NF1: variants seen among roughly 807,000 people sequenced by gnomAD.
NF1 encodes neurofibromin 1.
Under a neutral mutation model 325.7 loss-of-function variants are expected in NF1, and 122 were observed. The ratio of observed to expected loss-of-function variants is 0.37; its 90% CI spans 0.32 to 0.44. NF1 has a LOEUF of 0.44. NF1 is among the 20% of genes least tolerant of loss of function. NF1 has a pLI of 1.00. For synonymous variants in NF1, 1,091 were observed against 1,186.0 expected (o/e 0.92, Z 1.65); for missense variants, 2,140 against 3,415.4 (o/e 0.63, Z 9.31).
chr17:31,200,740 G>A (rs1299802563), intron 9 of NF1, 145 bp downstream of exon 9: 7 of 974,076 alleles, frequency 7.2e-6, no homozygotes, highest in African/African-American at 1.6e-5. Flanking sequence ...TGTTGTTACT[G>A]TGTTCATCAG....
At chr17:31,168,342 A>T (rs553695177) in intron 4 of NF1, among the ~76,000 whole-genome samples, 203 of 152,296 alleles carry the variant, frequency 1.3e-3, no homozygotes, top group Non-Finnish European at 2.5e-3. Context: ...TTAAGCATTT[A>T]ACTATAATAT....
chr17:31,206,118 G>A, intron 11 of NF1, 122 bp from the exon 12 acceptor site: 1 of 1,028,220 alleles, frequency 9.7e-7, no homozygotes, highest in Non-Finnish European at 1.5e-6. Context: ...CATGGTGTGT[G>A]TTTGCATGGT....
chr17:31,350,099 T>C (rs879017215), intron 49 of NF1, 84 bp from the exon 50 acceptor site: 7 of 1,434,762 alleles, frequency 4.9e-6, no homozygotes, highest in African/African-American at 4.2e-5. Flanking sequence ...CTATGCTCTT[T>C]AGGAGACTGT....
At chr17:31,305,241 G>T in intron 36 of NF1, 1 of 1,614,182 alleles carries the variant, frequency 6.2e-7, no homozygotes, top group Non-Finnish European at 8.5e-7. Flanking sequence ...GTCTGGCAGA[G>T]GTGAACACGG....
Position 31,260,486 on chromosome 17 carries a change from G to T in NF1, c.4548G>T (p.Glu1516Asp), listed in dbSNP as rs1567863000. Reference protein sequence around the residue: ...ALHRLLWNNQEKIGQYLSSNR... With the variant: ...ALHRLLWNNQDKIGQYLSSNR... ...ATCGTCTACTCTGGAACAATCAGGA[G>T]AAAATTGGGCAGTATCTTTCCAGCA... The change falls in exon 34 of 58, where the codon GAG (glutamate) becomes GAT (aspartate). Residue 1516 changes from glutamate to aspartate, a missense_variant. Glu to Asp is a conservative substitution (Grantham distance 45, BLOSUM62 2). Transcript: ENST00000358273. 2 of 1,614,002 alleles carry T rather than the reference G, an allele frequency of 1.2e-6. No homozygotes were observed. Among genetic ancestry groups the T allele is most frequent in the Non-Finnish European group, 1.7e-6 (2 of 1,179,964 alleles).
intron 5 of NF1, among the ~76,000 whole-genome samples, chr17:31,174,546 G>C (rs779610190): frequency 6.6e-6 from 1 of 152,152 alleles, no homozygotes; most frequent in Non-Finnish European, 1.5e-5. Flanking sequence ...TGAAATAACA[G>C]AAATAACCTC....
At chr17:31,216,913 A>G (rs2143971771) in intron 13 of NF1, among the ~76,000 whole-genome samples, 2 of 152,208 alleles carry the variant, frequency 1.3e-5, no homozygotes, top group South Asian at 4.1e-4. Context: ...ATTCCTACTC[A>G]TTCTAAGCTA....
chr17:31,232,043 A>AGT, intron 24 of NF1, 30 bp from the exon 25 acceptor site: 1 of 589,642 alleles, frequency 1.7e-6, no homozygotes, highest in Non-Finnish European at 2.5e-6. Flanking sequence ...TGGTCTCTAA[A>AGT]TTTTTTTTTT....
rs191700725 is a variant in NF1, at chr17:31,206,602, A to G, written c.1392+231A>G. ...TTTCTTAGATAAATTTTCTCACAAAACACTGAAAGTCTTAATGAATGTCAC... is the reference window on the plus strand; with the variant it reads ...TTTCTTAGATAAATTTTCTCACAAAGCACTGAAAGTCTTAATGAATGTCAC... On this transcript the variant is annotated intron_variant, in intron 12 of 57. Coordinates refer to ENST00000358273, the MANE Select transcript of NF1 (RefSeq NM_001042492.3). 1.0e-3 allele frequency among the ~76,000 whole-genome samples: 153 copies of G among 152,284 alleles called. 1 individual carries two copies. Among genetic ancestry groups the G allele is most frequent in the African/African-American group, 3.2e-3 (132 of 41,564 alleles).
rs527369530 is a variant in NF1 at position 31,276,123 on chromosome 17, C to T, written c.4835+10784C>T. ...ACTTGGGAGGCTGAGGCAGGAGCAT[C>T]GCTTGAATCCAGGAGGTGGAGGTTG... is the stretch of plus-strand genomic sequence containing the variant. On this transcript the variant is annotated intron_variant, in intron 36 of 57. Transcript: ENST00000358273. Among the ~76,000 whole-genome samples, 7 of 145,940 alleles carry T rather than the reference C, an allele frequency of 4.8e-5. No homozygotes were observed. In the East Asian group the frequency reaches 1.1e-3, roughly 22 times the overall value.
At chr17:31,293,801 T>G (rs1045084643) in intron 36 of NF1, among the ~76,000 whole-genome samples, 2 of 152,246 alleles carry the variant, frequency 1.3e-5, no homozygotes, top group African/African-American at 4.8e-5. Context: ...GTCTTGCATT[T>G]TAATCAATCC....
intron 36 of NF1, chr17:31,272,887 G>C (rs952927996): frequency 6.6e-6 from 1 of 152,110 alleles, no homozygotes; most frequent in African/African-American, 2.4e-5. Context: ...TTCACTATTA[G>C]TGAACAAATT....
At chr17:31,181,091 AAG>A (rs1285021651) in intron 5 of NF1, among the ~76,000 whole-genome samples, 1 of 152,230 alleles carries the variant, frequency 6.6e-6, no homozygotes. Context: ...TCTAGGAAAT[AAG>A]AGAGGACACA....
chr17:31,242,413 C>T (rs1024669844), intron 29 of NF1, among the ~76,000 whole-genome samples: 2 of 146,596 alleles, frequency 1.4e-5, no homozygotes, highest in African/African-American at 2.5e-5. Context: ...CCTCTACCTC[C>T]TCTTTAAGGC....
chr17:31,169,748 G>T, intron 4 of NF1, 143 bp from the exon 5 acceptor site: 1 of 611,604 alleles, frequency 1.6e-6, no homozygotes, highest in African/African-American at 1.9e-5. Flanking sequence ...GTCTTGCTAT[G>T]TTGCCCAGGC....
chr17:31,312,894 C>T (rs2063338447), intron 36 of NF1, among the ~76,000 whole-genome samples: 2 of 152,092 alleles, frequency 1.3e-5, no homozygotes, highest in Admixed American at 1.3e-4. Context: ...CCACAGCAAG[C>T]ATCTTTTATG....
intron 36 of NF1, among the ~76,000 whole-genome samples, chr17:31,284,268 A>G (rs112900917): frequency 1.2e-3 from 180 of 151,630 alleles, no homozygotes; most frequent in African/African-American, 4.0e-3. Flanking sequence ...TACCTGGCTA[A>G]TTTTTGTTTT....
At chr17:31,259,925 A>G (rs1239160218) in intron 33 of NF1, among the ~76,000 whole-genome samples, 5 of 152,190 alleles carry the variant, frequency 3.3e-5, no homozygotes, top group Admixed American at 6.5e-5. Flanking sequence ...ATATTGCTGA[A>G]TGACAAGCCA....
intron 1 of NF1, among the ~76,000 whole-genome samples, chr17:31,121,970 C>T (rs1342241577): frequency 1.3e-5 from 2 of 152,152 alleles, no homozygotes; most frequent in East Asian, 3.8e-4. Flanking sequence ...AGGCTTAGCA[C>T]AGTTCTTGCT....
Sources: allele counts gnomAD v4.1 joint callset (sites outside exome capture counted in the v4.1 genomes callset), GRCh38; gene constraint gnomAD v4.1.1; transcripts MANE v1.5; gene names NCBI Gene and HGNC (gene_info 2026-07-23, HGNC 2026-07-21).